Variants in RAD51B observed in about 807,000 individuals in gnomAD.
The protein encoded by RAD51B is DNA repair protein RAD51 homolog 2.
Under a neutral mutation model 42.2 loss-of-function variants are expected in RAD51B, and 38 were observed. That is an observed-to-expected ratio of 0.90 (90% confidence interval 0.70 to 1.18). The LOEUF is 1.18. Ranked by LOEUF, RAD51B falls within the 50% of genes most tolerant of loss-of-function variation. The probability of loss-of-function intolerance (pLI) is 0.00; values close to 1 mark genes in which losing one functional copy is unlikely to be tolerated. For missense variants in RAD51B, 373 were observed against 400.7 expected, an observed-to-expected ratio of 0.93 and a Z score of 0.59; for synonymous variants, 154 against 145.2, an observed-to-expected ratio of 1.06 and a Z score of -0.43.
intron 7 of RAD51B, among the ~76,000 whole-genome samples, chr14:68,260,319 G>GTGTGTGT (rs1555383057): frequency 4.4e-5 from 6 of 136,228 alleles, no homozygotes; most frequent in Admixed American, 6.9e-5. Context: ...GTGTGTGTGT[G>GTGTGTGT]GAGAGGGGAA....
intron 7 of RAD51B, among the ~76,000 whole-genome samples, chr14:67,931,122 C>T (rs1033318535): frequency 2.6e-5 from 4 of 152,060 alleles, no homozygotes; most frequent in East Asian, 3.9e-4. Flanking sequence ...AGGGTTTCAC[C>T]GTGTTAGCCA....
At chr14:68,419,307 A>C (rs373518083) in intron 9 of RAD51B, among the ~76,000 whole-genome samples, 7 of 152,142 alleles carry the variant, frequency 4.6e-5, no homozygotes, top group African/African-American at 1.7e-4. Context: ...GGTGACTTTT[A>C]GTAGATAGAT....
intron 4 of RAD51B, among the ~76,000 whole-genome samples, chr14:67,845,048 C>G (rs1402547284): frequency 6.6e-6 from 1 of 152,188 alleles, no homozygotes; most frequent in Non-Finnish European, 1.5e-5. Flanking sequence ...GGTCTTGACT[C>G]TTTGTCCAAC....
At chr14:68,633,096 G>A (rs1196988549) in intron 10 of RAD51B, among the ~76,000 whole-genome samples, 1 of 143,154 alleles carries the variant, frequency 7.0e-6, no homozygotes, top group African/African-American at 2.7e-5. Flanking sequence ...TGAAGTGCTG[G>A]GATTATAGGC....
At chr14:68,411,320 C>A (rs1033667863) in intron 8 of RAD51B, 104 bp from the exon 9 acceptor site, 10 of 917,752 alleles carry the variant, frequency 1.1e-5, no homozygotes, top group Non-Finnish European at 1.8e-5. Context: ...ACTGAGCCTC[C>A]AAGTACTCTC....
intron 7 of RAD51B, among the ~76,000 whole-genome samples, chr14:68,116,973 A>G (rs1180101803): frequency 6.6e-6 from 1 of 152,222 alleles, no homozygotes; most frequent in African/African-American, 2.4e-5. Context: ...AGCCATATTC[A>G]TTAATTTACA....
intron 7 of RAD51B, among the ~76,000 whole-genome samples, chr14:68,090,858 C>T (rs1342729973): frequency 3.5e-5 from 4 of 113,142 alleles, no homozygotes; most frequent in East Asian, 6.4e-4. Context: ...CCCCTCCCCC[C>T]ACCCCACAAC....
At chr14:68,362,183 C>G (rs1168191204) in intron 8 of RAD51B, among the ~76,000 whole-genome samples, 1 of 152,170 alleles carries the variant, frequency 6.6e-6, no homozygotes, top group African/African-American at 2.4e-5. Flanking sequence ...TAAAGGACCT[C>G]TAGTGCCTAA....
chr14:67,885,069 C>T (rs887704981), intron 5 of RAD51B, among the ~76,000 whole-genome samples: 1 of 152,078 alleles, frequency 6.6e-6, no homozygotes, highest in Non-Finnish European at 1.5e-5. Context: ...TGGCTAAGTA[C>T]TAGGGCTGAT....
intron 8 of RAD51B, among the ~76,000 whole-genome samples, chr14:68,368,993 TC>T (rs1276458279): frequency 6.6e-6 from 1 of 152,098 alleles, no homozygotes; most frequent in African/African-American, 2.4e-5. Flanking sequence ...TTTAGGGTTT[TC>T]CCCCATCTGT....
At chr14:67,911,967 C>T (rs2043998215) in intron 7 of RAD51B, among the ~76,000 whole-genome samples, 1 of 152,210 alleles carries the variant, frequency 6.6e-6, no homozygotes, top group East Asian at 1.9e-4. Context: ...ATGTCATCCC[C>T]CTGCTATAGC....
intron 4 of RAD51B, among the ~76,000 whole-genome samples, chr14:67,848,021 T>C (rs1194500269): frequency 6.6e-6 from 1 of 152,198 alleles, no homozygotes; most frequent in Non-Finnish European, 1.5e-5. Flanking sequence ...TTGTACACTT[T>C]TTTGTTGTTG....
chr14:68,618,991 C>T (rs1891884013), intron 10 of RAD51B, among the ~76,000 whole-genome samples: 1 of 152,204 alleles, frequency 6.6e-6, no homozygotes, highest in East Asian at 1.9e-4. Context: ...ATAAAGACCA[C>T]TCACGTAGAG....
At chr14:68,525,050 T>C (rs1268515410) in intron 10 of RAD51B, among the ~76,000 whole-genome samples, 1 of 152,258 alleles carries the variant, frequency 6.6e-6, no homozygotes. Context: ...GCTAATCAGT[T>C]GGCTTTGGGA....
intron 7 of RAD51B, among the ~76,000 whole-genome samples, chr14:68,136,575 C>CAAAAAAAAAAAAAAAAAAAAAAAAA (rs1204817902): frequency 4.5e-4 from 2 of 4,454 alleles, no homozygotes; most frequent in African/African-American, 7.1e-4. Flanking sequence ...GACTCCATCT[C>CAAAAAAAAAAAAAAAAAAAAAAAAA]AAAAAAAAAA....
At chr14:68,525,878 G>C (rs1056942275) in intron 10 of RAD51B, among the ~76,000 whole-genome samples, 1 of 152,118 alleles carries the variant, frequency 6.6e-6, no homozygotes, top group African/African-American at 2.4e-5. Context: ...CCATTCTTGG[G>C]TTTGAGAAGT....
At chr14:68,237,645 A>ATT (rs151325686) in intron 7 of RAD51B, among the ~76,000 whole-genome samples, 1 of 149,310 alleles carries the variant, frequency 6.7e-6, no homozygotes, top group Non-Finnish European at 1.5e-5. Flanking sequence ...TGGATTTGAG[A>ATT]TTTTTTTCTG....
intron 4 of RAD51B, among the ~76,000 whole-genome samples, chr14:67,861,905 A>G (rs1217230428): frequency 2.0e-5 from 3 of 151,714 alleles, no homozygotes; most frequent in Non-Finnish European, 2.9e-5. Flanking sequence ...ATTTATCTGC[A>G]CTCTTAAAAA....
At chr14:68,664,506 G>A (rs1440993500) in intron 11 of RAD51B, among the ~76,000 whole-genome samples, 2 of 152,138 alleles carry the variant, frequency 1.3e-5, no homozygotes, top group African/African-American at 4.8e-5. Flanking sequence ...ATTTTTAGCT[G>A]ATATAGGGCA....
Sources: allele counts gnomAD v4.1 joint callset (sites outside exome capture counted in the v4.1 genomes callset), GRCh38; gene constraint gnomAD v4.1.1; transcripts MANE v1.5; gene names NCBI Gene and HGNC (gene_info 2026-07-23, HGNC 2026-07-21).